Variants in PLCB1 observed in about 807,000 individuals in gnomAD.
The protein encoded by PLCB1 is phospholipase C beta 1, also known as 1-phosphatidylinositol 4,5-bisphosphate phosphodiesterase beta-1.
PLCB1 carries 46 observed loss-of-function variants against 161.8 expected under a neutral mutation model. That is an observed-to-expected ratio of 0.28 (90% CI 0.22 to 0.36). The LOEUF is 0.36. Ranked by LOEUF, PLCB1 falls within the 10% of genes least tolerant of loss-of-function variation. PLCB1 has a pLI of 1.00. For synonymous variants in PLCB1, 517 were observed against 503.7 expected (o/e 1.03, Z -0.35); for missense variants, 1,016 against 1,472.5 (o/e 0.69, Z 5.07).
intron 3 of PLCB1, among the ~76,000 whole-genome samples, chr20:8,495,492 G>A (rs4816067): frequency 0.12 from 18,319 of 148,600 alleles, 1,176 homozygotes; most frequent in African/African-American, 0.15. Flanking sequence ...CCACCTCCCG[G>A]GTTCACGCCA....
chr20:8,465,126 A>C (rs1341565488), intron 3 of PLCB1, among the ~76,000 whole-genome samples: 2 of 151,974 alleles, frequency 1.3e-5, no homozygotes, highest in Non-Finnish European at 2.9e-5. Context: ...TGCTCTTCTT[A>C]TTCATGTTGA....
intron 2 of PLCB1, among the ~76,000 whole-genome samples, chr20:8,320,788 CAGAAAGAAAGAAGAA>C (rs1362711603): frequency 3.1e-5 from 3 of 96,722 alleles, no homozygotes; most frequent in African/African-American, 1.3e-4. Context: ...AATATTAGGA[CAGAAAGAAAGAAGAA>C]AGAAAGAAAG....
At chr20:8,769,415 A>G (rs1015092) in intron 26 of PLCB1, among the ~76,000 whole-genome samples, 137,599 of 152,026 alleles carry the variant, frequency 0.91, 62,923 homozygotes, top group East Asian at 1. Flanking sequence ...GTAGCATCAA[A>G]AGAAGTGAAA....
chr20:8,338,999 G>A lies in PLCB1; in HGVS notation c.178-32383G>A, dbSNP rs115312263. ...TTGCATTCCTCTTTTTTATTGCTGTGAAGTGTTTCTTTGTATGACTTTACC... is the reference window on the plus strand; with the variant it reads ...TTGCATTCCTCTTTTTTATTGCTGTAAAGTGTTTCTTTGTATGACTTTACC... On this transcript the variant is annotated intron_variant, in intron 2 of 31. Coordinates refer to ENST00000338037, the MANE Select transcript of PLCB1 (RefSeq NM_015192.4). Among the ~76,000 whole-genome samples, 982 of 152,184 alleles carry A rather than the reference G, an allele frequency of 6.5e-3. 14 individuals are homozygous for A. Among genetic ancestry groups the A allele is most frequent in the African/African-American group, 0.022 (897 of 41,512 alleles).
intron 3 of PLCB1, among the ~76,000 whole-genome samples, chr20:8,408,644 C>T (rs942662552): frequency 6.6e-6 from 1 of 152,036 alleles, no homozygotes; most frequent in African/African-American, 2.4e-5. Context: ...ATATTTAATA[C>T]AATGATTCTT....
At chr20:8,739,397 T>G (rs764664815) in intron 21 of PLCB1, 37 bp downstream of exon 21, 1 of 1,286,098 alleles carries the variant, frequency 7.8e-7, no homozygotes, top group South Asian at 1.2e-5. Context: ...TTATCAAAGT[T>G]GCAAAGAAAA....
Position 8,418,980 on chromosome 20 carries a change from T to C in PLCB1, c.246+47530T>C, listed in dbSNP as rs145208083. Among the ~76,000 whole-genome samples the C allele has an allele frequency of 7.8e-3, 1,194 of 152,308 alleles. 16 individuals carry two copies. Among genetic ancestry groups the C allele is most frequent in the African/African-American group, 0.027 (1,122 of 41,560 alleles). On this transcript the variant is annotated intron_variant, in intron 3 of 31. Coordinates refer to ENST00000338037, the MANE Select transcript of PLCB1 (RefSeq NM_015192.4). ...TTTTTAAAACTCAGTCTATATAAAATATTTCCTGGATGTTTTCACCAAAGC... is the reference window on the plus strand; with the variant it reads ...TTTTTAAAACTCAGTCTATATAAAACATTTCCTGGATGTTTTCACCAAAGC...
At chr20:8,251,933 T>A (rs950221083) in intron 2 of PLCB1, among the ~76,000 whole-genome samples, 1 of 151,896 alleles carries the variant, frequency 6.6e-6, no homozygotes, top group Non-Finnish European at 1.5e-5. Context: ...TATTTTCTCA[T>A]TGGTGGGTCA....
intron 3 of PLCB1, among the ~76,000 whole-genome samples, chr20:8,559,089 CAT>C (rs1427801993): frequency 6.6e-6 from 1 of 151,728 alleles, no homozygotes; most frequent in East Asian, 1.9e-4. Flanking sequence ...TCTTTTTTCT[CAT>C]ATGATTTAAA....
At chr20:8,136,215 A>G (rs1183701432) in intron 1 of PLCB1, among the ~76,000 whole-genome samples, 1 of 152,246 alleles carries the variant, frequency 6.6e-6, no homozygotes, top group East Asian at 1.9e-4. Context: ...CAACGGTAAC[A>G]TGCAAATTGT....
At chr20:8,650,248 G>A (rs183537959) in intron 7 of PLCB1, among the ~76,000 whole-genome samples, 4 of 151,886 alleles carry the variant, frequency 2.6e-5, no homozygotes, top group South Asian at 2.1e-4. Context: ...TATGAACACC[G>A]GACCAAATTA....
intron 31 of PLCB1, among the ~76,000 whole-genome samples, chr20:8,855,087 A>T (rs553858495): frequency 2.6e-5 from 4 of 152,124 alleles, no homozygotes; most frequent in Non-Finnish European, 4.4e-5. Flanking sequence ...TAATAGGGGG[A>T]TGTGATCAAA....
At chr20:8,697,491 A>G in intron 10 of PLCB1, 135 bp from the exon 11 acceptor site, 2 of 833,922 alleles carry the variant, frequency 2.4e-6, no homozygotes, top group Non-Finnish European at 1.9e-6. Context: ...ATGTTGAGGC[A>G]GAAGAAAGGC....
chr20:8,236,851 A>G (rs1434758261), intron 2 of PLCB1, among the ~76,000 whole-genome samples: 1 of 152,060 alleles, frequency 6.6e-6, no homozygotes, highest in South Asian at 2.1e-4. Context: ...AAAGAAAGAA[A>G]TGCAAACACA....
At position 8,799,630 on chromosome 20, in the gene PLCB1, A is replaced by G. The variant is rs147815042; in HGVS notation, c.3423+9369A>G. On this transcript the variant is annotated intron_variant, in intron 31 of 31. Coordinates refer to ENST00000338037, the MANE Select transcript of PLCB1 (RefSeq NM_015192.4). The stretch of plus-strand genomic sequence containing the variant: ...AATTTTAATTGTTTTCTAGAAACCA[A>G]TAGCTGATTTAACTATGACCTTCAA... Among the ~76,000 whole-genome samples, 495 of 152,326 alleles carry G rather than the reference A, an allele frequency of 3.2e-3. 4 individuals are homozygous for G. The highest frequency in any genetic ancestry group is 0.011 in the African/African-American group (472 of 41,566).
At chr20:8,289,476 A>T (rs1434579499) in intron 2 of PLCB1, among the ~76,000 whole-genome samples, 1 of 152,166 alleles carries the variant, frequency 6.6e-6, no homozygotes, top group Non-Finnish European at 1.5e-5. Context: ...AGCTCGGTGA[A>T]ATAGGTTCTA....
chr20:8,421,757 T>C (rs1229989002), intron 3 of PLCB1, among the ~76,000 whole-genome samples: 3 of 152,192 alleles, frequency 2.0e-5, no homozygotes, highest in Admixed American at 6.5e-5. Context: ...ATATGGTCCT[T>C]AGACGAACGG....
chr20:8,835,411 A>AT (rs972434548), intron 31 of PLCB1, among the ~76,000 whole-genome samples: 19 of 149,866 alleles, frequency 1.3e-4, no homozygotes, highest in African/African-American at 2.4e-4. Flanking sequence ...TTTTAAGAGT[A>AT]TTTTTTTTTT....
intron 23 of PLCB1, among the ~76,000 whole-genome samples, chr20:8,756,263 C>A (rs554444319): frequency 5.9e-5 from 9 of 151,938 alleles, no homozygotes; most frequent in Non-Finnish European, 1.0e-4. Context: ...TATTATGATC[C>A]CCAGTAAACA....
Sources: gnomAD v4.1 joint callset for allele counts (sites outside exome capture counted in the v4.1 genomes callset) on GRCh38, gnomAD v4.1.1 for gene constraint, MANE v1.5 for transcripts, NCBI Gene and HGNC (gene_info 2026-07-23, HGNC 2026-07-21) for gene names.